Variants in CPNE8 observed in about 807,000 individuals in gnomAD.
The protein encoded by CPNE8 is copine-8.
A neutral mutation model predicts 81.5 loss-of-function variants in CPNE8; 45 were observed. The observed-to-expected ratio is 0.55, with a 90% CI of 0.44 to 0.71. CPNE8 has a LOEUF of 0.71. Ranked by LOEUF, CPNE8 falls within the 30% of genes least tolerant of loss-of-function variation. The probability of loss-of-function intolerance (pLI) is 0.00; values close to 1 mark genes in which losing one functional copy is unlikely to be tolerated. For missense variants in CPNE8, 594 were observed against 672.1 expected, an observed-to-expected ratio of 0.88 and a Z score of 1.28; for synonymous variants, 252 against 226.3, an observed-to-expected ratio of 1.11 and a Z score of -1.02.
intron 10 of CPNE8, among the ~76,000 whole-genome samples, chr12:38,740,138 G>A (rs1399325880): frequency 2.0e-5 from 3 of 152,196 alleles, no homozygotes; most frequent in South Asian, 2.1e-4. Flanking sequence ...GGATTCCTAG[G>A]TATTTTATTC....
At chr12:38,875,284 C>G (rs956964753) in intron 1 of CPNE8, among the ~76,000 whole-genome samples, 1 of 151,992 alleles carries the variant, frequency 6.6e-6, no homozygotes. Context: ...ATTCAATATG[C>G]TCTGATTCAC....
chr12:38,847,212 TGA>T (rs1943572596), intron 4 of CPNE8, among the ~76,000 whole-genome samples: 1 of 151,640 alleles, frequency 6.6e-6, no homozygotes, highest in Non-Finnish European at 1.5e-5. Context: ...ACAATGCAGA[TGA>T]ATGAGAAAGG....
At chr12:38,906,411 T>G (rs1348928419), upstream of CPNE8, 1 of 985,402 alleles carries the variant, frequency 1.0e-6, no homozygotes, top group Non-Finnish European at 1.2e-6. Flanking sequence ...CTCCCCTTGG[T>G]TCTTCGGAGC....
chr12:38,768,707 T>A (rs1358014380), intron 7 of CPNE8, among the ~76,000 whole-genome samples: 1 of 151,892 alleles, frequency 6.6e-6, no homozygotes, highest in South Asian at 2.1e-4. Context: ...TTTTTTTTTT[T>A]TAGCAGAGAC....
chr12:38,737,382 G>C (rs1018628484), intron 10 of CPNE8, among the ~76,000 whole-genome samples: 1 of 151,934 alleles, frequency 6.6e-6, no homozygotes, highest in Admixed American at 6.6e-5. Flanking sequence ...TCAGTCAAAA[G>C]TAGACAAGAC....
At chr12:38,658,136 A>G (rs905797017) in intron 19 of CPNE8, among the ~76,000 whole-genome samples, 1 of 152,184 alleles carries the variant, frequency 6.6e-6, no homozygotes, top group Non-Finnish European at 1.5e-5. Context: ...CATCACAAGG[A>G]AGCTAAAAAC....
intron 13 of CPNE8, among the ~76,000 whole-genome samples, chr12:38,706,401 G>A (rs1940106570): frequency 1.3e-5 from 2 of 152,020 alleles, no homozygotes; most frequent in Admixed American, 6.6e-5. Context: ...AAGAAACACT[G>A]AATTTTATCC....
At chr12:38,794,296 T>C (rs1942400932) in intron 6 of CPNE8, among the ~76,000 whole-genome samples, 1 of 152,154 alleles carries the variant, frequency 6.6e-6, no homozygotes, top group Non-Finnish European at 1.5e-5. Context: ...TTGCAAATTA[T>C]AAATCTGATA....
intron 16 of CPNE8, among the ~76,000 whole-genome samples, chr12:38,683,510 C>T (rs1939457903): frequency 6.6e-6 from 1 of 151,988 alleles, no homozygotes; most frequent in African/African-American, 2.4e-5. Flanking sequence ...TATGGCGCTT[C>T]TCTTAATAGA....
chr12:38,689,755 G>C (rs79475045), intron 15 of CPNE8, among the ~76,000 whole-genome samples: 1 of 152,260 alleles, frequency 6.6e-6, no homozygotes, highest in Non-Finnish European at 1.5e-5. Flanking sequence ...CTATTGGTCC[G>C]CATGGAAGAC....
At chr12:38,695,402 G>A (rs1939771001) in intron 14 of CPNE8, among the ~76,000 whole-genome samples, 1 of 152,142 alleles carries the variant, frequency 6.6e-6, no homozygotes, top group African/African-American at 2.4e-5. Flanking sequence ...ATGTCCTCTA[G>A]GACTTTTCCA....
chr12:38,806,064 A>C lies in CPNE8; in HGVS notation c.407+23315T>G, dbSNP rs373230497. Among the ~76,000 whole-genome samples the C allele has an allele frequency of 5.3e-5, 8 of 150,504 alleles. 1 individual carries two copies. In the South Asian group the frequency reaches 1.1e-3, roughly 20 times the overall value. ...CAAGACTAAAGCAGGAAGAAGTTGA[A>C]TCTCTGAATAGACCAATAACAGGCT... On this transcript the variant is annotated intron_variant, in intron 6 of 19. Coordinates refer to ENST00000331366, the MANE Select transcript of CPNE8 (RefSeq NM_153634.3).
chr12:38,784,588 C>T (rs2136912746), intron 6 of CPNE8, among the ~76,000 whole-genome samples: 1 of 152,034 alleles, frequency 6.6e-6, no homozygotes, highest in East Asian at 1.9e-4. Flanking sequence ...AATCAAACTC[C>T]CAAAGGTTAA....
chr12:38,760,760 A>C, intron 10 of CPNE8, 87 bp downstream of exon 10: 5 of 1,042,586 alleles, frequency 4.8e-6, no homozygotes, highest in Admixed American at 4.1e-5. Flanking sequence ...CCATCTAAAA[A>C]TTACAATTTA....
chr12:38,715,727 T>C (rs1483334969), intron 13 of CPNE8, among the ~76,000 whole-genome samples: 3 of 152,032 alleles, frequency 2.0e-5, no homozygotes, highest in Admixed American at 2.0e-4. Flanking sequence ...CCCTGAGAAT[T>C]GGATCAAGAC....
At chr12:38,832,134 A>G (rs923180129) in intron 5 of CPNE8, among the ~76,000 whole-genome samples, 5 of 152,220 alleles carry the variant, frequency 3.3e-5, no homozygotes, top group Admixed American at 6.5e-5. Flanking sequence ...ACTGGTGTCA[A>G]CCAGCTCTGG....
rs559791125 is a variant in CPNE8 at position 38,685,305 on chromosome 12, C to T, written c.1271+185G>A. The stretch of plus-strand genomic sequence containing the variant: ...TTTCTTCACTTGATATTTTAATGTA[C>T]AGTTCTCAGCAAAGTATCATGATCG... On this transcript the variant is annotated intron_variant, in intron 16 of 19. Coordinates refer to ENST00000331366, the MANE Select transcript of CPNE8 (RefSeq NM_153634.3). Among the ~76,000 whole-genome samples the T allele has an allele frequency of 5.3e-5, 8 of 152,286 alleles. No individual in the cohort carries two copies. In the South Asian group the frequency reaches 1.7e-3, roughly 32 times the overall value.
chr12:38,806,119 C>T (rs1005802875), intron 6 of CPNE8, among the ~76,000 whole-genome samples: 1 of 150,140 alleles, frequency 6.7e-6, no homozygotes, highest in East Asian at 2.2e-4. Context: ...CAATAGCTTA[C>T]CAACTAAAAA....
At chr12:38,759,662 C>T (rs1941535282) in intron 10 of CPNE8, among the ~76,000 whole-genome samples, 2 of 152,118 alleles carry the variant, frequency 1.3e-5, no homozygotes, top group African/African-American at 4.8e-5. Context: ...GTCTTATATA[C>T]TTATTTGGTA....
Sources: allele counts gnomAD v4.1 joint callset (sites outside exome capture counted in the v4.1 genomes callset), GRCh38; gene constraint gnomAD v4.1.1; transcripts MANE v1.5; gene names NCBI Gene and HGNC (gene_info 2026-07-23, HGNC 2026-07-21).